The following ADGRL3 variants were observed in gnomAD, a reference collection of about 807,000 sequenced individuals.
ADGRL3 encodes calcium-independent alpha-latrotoxin receptor 3.
Under a neutral mutation model 153.5 loss-of-function variants are expected in ADGRL3, and 62 were observed. The ratio of observed to expected loss-of-function variants is 0.40; its 90% CI spans 0.33 to 0.50. The LOEUF (loss-of-function observed/expected upper bound fraction) is 0.50. Among genes scored for constraint, ADGRL3 ranks in the 20% least tolerant of loss-of-function variants. The pLI is 0.47. For missense variants in ADGRL3, 1,641 were observed against 1,859.4 expected (o/e 0.88, Z 2.16); for synonymous variants, 710 against 672.5 (o/e 1.06, Z -0.86).
At chr4:61,335,092 G>T (rs1243576517) in intron 1 of ADGRL3, among the ~76,000 whole-genome samples, 1 of 151,990 alleles carries the variant, frequency 6.6e-6, no homozygotes, top group Non-Finnish European at 1.5e-5. Context: ...TTTGGAAGGG[G>T]TTGCTTAAAA....
chr4:61,985,153 GAAAAT>G (rs1409670243), intron 19 of ADGRL3, among the ~76,000 whole-genome samples: 2 of 151,908 alleles, frequency 1.3e-5, no homozygotes, highest in East Asian at 3.9e-4. Context: ...TTACAGGTGA[GAAAAT>G]AAAATACTAG....
intron 5 of ADGRL3, among the ~76,000 whole-genome samples, chr4:61,614,451 G>T (rs546750202): frequency 5.3e-5 from 8 of 152,200 alleles, no homozygotes; most frequent in Admixed American, 4.6e-4. Flanking sequence ...TACTTTCACT[G>T]CAGGATGTGA....
rs1411127481 is a variant in ADGRL3, at chr4:62,075,728, C to T, written c.*4820C>T. The stretch of plus-strand genomic sequence containing the variant: ...GCAAAGCAGCAACATTGCACAATAG[C>T]TTATGGAAGCATTTTTGTGCGAATG... On this transcript the variant is annotated 3_prime_UTR_variant, in exon 27 of 27. Transcript: ENST00000683033. 6.6e-6 allele frequency: 1 copy of T among 152,054 alleles called. No individual in the cohort carries two copies. The highest frequency in any genetic ancestry group is 1.5e-5 in the Non-Finnish European group (1 of 68,010). 9.4% of individuals were successfully genotyped at this position (152,054 alleles called of 1,614,324 possible).
chr4:61,303,102 C>T lies in ADGRL3; in HGVS notation c.-239-80022C>T, dbSNP rs888220595. ...TGAGTAGAAATATCAACTCATGTGA[C>T]TATCCAAATTTAGAACCATTGTTGA... On this transcript the variant is annotated intron_variant, in intron 1 of 26. Coordinates refer to ENST00000683033, the MANE Select transcript of ADGRL3 (RefSeq NM_001387552.1). Among the ~76,000 whole-genome samples, 3 of 152,296 alleles carry T rather than the reference C, an allele frequency of 2.0e-5. No individual in the cohort carries two copies. The East Asian group carries it at 5.8e-4, about 29-fold the overall frequency.
At chr4:61,839,970 A>G (rs967852753) in intron 9 of ADGRL3, among the ~76,000 whole-genome samples, 1 of 123,496 alleles carries the variant, frequency 8.1e-6, no homozygotes, top group African/African-American at 3.8e-5. Flanking sequence ...AAAAAAGGAC[A>G]TTAAAAAAAA....
chr4:61,868,240 T>C (rs1029908934), intron 9 of ADGRL3, among the ~76,000 whole-genome samples: 4 of 152,202 alleles, frequency 2.6e-5, no homozygotes, highest in African/African-American at 9.7e-5. Context: ...TTGAGACTTT[T>C]AACAAGTTTC....
intron 9 of ADGRL3, among the ~76,000 whole-genome samples, chr4:61,817,127 G>A (rs1279702451): frequency 2.0e-5 from 3 of 150,994 alleles, no homozygotes. Flanking sequence ...GGGGCTGAAG[G>A]TAGCTTGGCA....
At chr4:61,957,052 GT>G in intron 17 of ADGRL3, among the ~76,000 whole-genome samples, 1 of 152,200 alleles carries the variant, frequency 6.6e-6, no homozygotes, top group East Asian at 1.9e-4. Context: ...ATTCAAAGTA[GT>G]TTTTTCTAAT....
Position 61,948,131 on chromosome 4 carries a change from C to T in ADGRL3, c.2660C>T (p.Ser887Leu). 1 of 1,612,816 alleles carries T rather than the reference C, an allele frequency of 6.2e-7. No individual in the cohort carries two copies. The highest frequency in any genetic ancestry group is 1.1e-5 in the South Asian group (1 of 90,916). The change falls in exon 17 of 27, where the codon TCA becomes TTA. Residue 887 changes from serine to leucine, a missense_variant. By Grantham distance (145) the Ser-to-Leu change is moderately radical (BLOSUM62 -2). Coordinates refer to ENST00000683033, the MANE Select transcript of ADGRL3 (RefSeq NM_001387552.1). ...GAGGAAAATTTCAACCCTAACTGTTCATTTTGGAGCTACTCCAAGCGTACA... is the reference window on the plus strand; with the variant it reads ...GAGGAAAATTTCAACCCTAACTGTTTATTTTGGAGCTACTCCAAGCGTACA... The part of the protein sequence containing the change: ...QSEENFNPNC[S>L]FWSYSKRTMT...
At chr4:61,709,138 A>C (rs1332300404) in intron 6 of ADGRL3, among the ~76,000 whole-genome samples, 1 of 152,052 alleles carries the variant, frequency 6.6e-6, no homozygotes, top group Non-Finnish European at 1.5e-5. Context: ...CCTATTATAC[A>C]CAGAAAATTT....
At chr4:61,580,275 C>CT (rs1378256334) in intron 4 of ADGRL3, among the ~76,000 whole-genome samples, 2 of 152,064 alleles carry the variant, frequency 1.3e-5, no homozygotes, top group East Asian at 1.9e-4. Flanking sequence ...CAAAAGAGCT[C>CT]TTTTTTTCAT....
rs1264906996 is a variant in ADGRL3 at position 61,998,284 on chromosome 4, T to G, written c.3395+19T>G. On this transcript the variant is annotated intron_variant, in intron 21 of 26. Transcript: ENST00000683033. ...ACATCAAGTAAGTGATTTTTATTTT[T>G]GTTTTCTATAGGTTGTGTTACATTT... The G allele has an allele frequency of 7.3e-7, 1 of 1,364,552 alleles. No homozygotes were observed. The highest frequency in any genetic ancestry group is 2.2e-5 in the Admixed American group (1 of 46,114). 84.5% of individuals were successfully genotyped at this position (1,364,552 alleles called of 1,614,324 possible). A position where few individuals can be genotyped will look rare whatever the true frequency, so the allele number is the denominator to read the frequency against.
At chr4:61,532,620 T>A (rs2152961389) in intron 4 of ADGRL3, among the ~76,000 whole-genome samples, 1 of 149,946 alleles carries the variant, frequency 6.7e-6, no homozygotes, top group South Asian at 2.2e-4. Context: ...TAAATCCAGC[T>A]GTTTGGTCAG....
At chr4:61,663,429 T>C (rs980749362) in intron 5 of ADGRL3, among the ~76,000 whole-genome samples, 1 of 152,226 alleles carries the variant, frequency 6.6e-6, no homozygotes, top group African/African-American at 2.4e-5. Context: ...AGCTGGCACC[T>C]GTGCTGCTGC....
chr4:61,746,107 A>T (rs2096656972), intron 8 of ADGRL3, among the ~76,000 whole-genome samples: 1 of 152,246 alleles, frequency 6.6e-6, no homozygotes, highest in Non-Finnish European at 1.5e-5. Context: ...AAAGAGACAA[A>T]GAAGGCCATT....
At chr4:61,262,378 C>G (rs982333) in intron 1 of ADGRL3, among the ~76,000 whole-genome samples, 117,450 of 152,040 alleles carry the variant, frequency 0.77, 45,519 homozygotes, top group African/African-American at 0.79. Flanking sequence ...CCTTTTCTCT[C>G]TAAGTGCTAA....
chr4:61,274,324 A>G (rs1368784282), intron 1 of ADGRL3, among the ~76,000 whole-genome samples: 3 of 152,214 alleles, frequency 2.0e-5, no homozygotes, highest in African/African-American at 4.8e-5. Flanking sequence ...CATCTCCAGT[A>G]TGAAATTAAG....
At chr4:62,028,917 A>G (rs1426468902) in intron 22 of ADGRL3, 36 bp downstream of exon 22, 4 of 1,585,232 alleles carry the variant, frequency 2.5e-6, no homozygotes, top group Non-Finnish European at 3.4e-6. Flanking sequence ...AATTCCGTTT[A>G]TCAGTGTGGT....
At chr4:61,395,584 A>G (rs1480331086) in intron 2 of ADGRL3, among the ~76,000 whole-genome samples, 1 of 151,932 alleles carries the variant, frequency 6.6e-6, no homozygotes, top group African/African-American at 2.4e-5. Context: ...GTTAAAACAT[A>G]CTCACTATTA....
Sources: gnomAD v4.1 joint callset for allele counts (sites outside exome capture counted in the v4.1 genomes callset) on GRCh38, gnomAD v4.1.1 for gene constraint, MANE v1.5 for transcripts, NCBI Gene and HGNC (gene_info 2026-07-23, HGNC 2026-07-21) for gene names.